SH3RF3: variants seen among roughly 807,000 people sequenced by gnomAD.
The protein encoded by SH3RF3 is E3 ubiquitin-protein ligase SH3RF3.
Under a neutral mutation model 66.3 loss-of-function variants are expected in SH3RF3, and 29 were observed. The observed-to-expected ratio is 0.44, with a 90% CI of 0.33 to 0.60. The LOEUF (loss-of-function observed/expected upper bound fraction) is 0.60. Ranked by LOEUF, SH3RF3 falls within the 20% of genes least tolerant of loss-of-function variation. The probability of loss-of-function intolerance (pLI) is 0.04; values close to 1 mark genes in which losing one functional copy is unlikely to be tolerated. For missense variants in SH3RF3, 1,194 were observed against 1,190.9 expected (o/e 1.00, Z -0.04); for synonymous variants, 583 against 532.0 (o/e 1.10, Z -1.32).
At chr2:109,151,063 C>A (rs1212481404) in intron 1 of SH3RF3, among the ~76,000 whole-genome samples, 2 of 152,160 alleles carry the variant, frequency 1.3e-5, no homozygotes, top group African/African-American at 4.8e-5. Flanking sequence ...AATATTGCAT[C>A]ATTGCACAAA....
intron 3 of SH3RF3, among the ~76,000 whole-genome samples, chr2:109,379,833 A>T (rs1683472349): frequency 6.6e-6 from 1 of 152,060 alleles, no homozygotes; most frequent in African/African-American, 2.4e-5. Flanking sequence ...CGAGGACCAG[A>T]AGGCAGGGAC....
At chr2:109,427,018 G>T (rs181496700) in intron 5 of SH3RF3, among the ~76,000 whole-genome samples, 1,609 of 152,094 alleles carry the variant, frequency 0.011, 28 homozygotes, top group African/African-American at 0.033. Context: ...ACCTAGGCTG[G>T]AGTGCAGTGG....
intron 8 of SH3RF3, among the ~76,000 whole-genome samples, chr2:109,456,814 C>T (rs868511049): frequency 2.6e-5 from 4 of 152,204 alleles, no homozygotes; most frequent in Non-Finnish European, 5.9e-5. Context: ...CTCCATGGTA[C>T]CCACAAGTGC....
intron 8 of SH3RF3, among the ~76,000 whole-genome samples, chr2:109,477,593 G>A (rs1442156249): frequency 6.7e-6 from 1 of 150,078 alleles, no homozygotes; most frequent in Non-Finnish European, 1.5e-5. Flanking sequence ...TTGAGTTGCT[G>A]TAACAAAATG....
intron 1 of SH3RF3, among the ~76,000 whole-genome samples, chr2:109,154,954 T>C (rs1677306843): frequency 6.6e-6 from 1 of 152,202 alleles, no homozygotes; most frequent in South Asian, 2.1e-4. Context: ...AAAAGAGGCT[T>C]TCCAGATTTC....
chr2:109,471,222 A>AAG (rs1450405773), intron 8 of SH3RF3, among the ~76,000 whole-genome samples: 4 of 151,664 alleles, frequency 2.6e-5, no homozygotes, highest in African/African-American at 9.7e-5. Flanking sequence ...AAAAAAAAAA[A>AAG]AAAAAAAAAG....
At chr2:109,176,635 G>T (rs577884120) in intron 1 of SH3RF3, among the ~76,000 whole-genome samples, 66 of 152,318 alleles carry the variant, frequency 4.3e-4, no homozygotes, top group African/African-American at 1.6e-3. Context: ...AACCCAGAAG[G>T]CTGAGGCAGG....
chr2:109,229,531 G>C (rs565262809), intron 1 of SH3RF3, among the ~76,000 whole-genome samples: 15 of 152,238 alleles, frequency 9.9e-5, no homozygotes, highest in African/African-American at 3.6e-4. Context: ...TTGAGAGCCC[G>C]ATACGGGAGG....
intron 1 of SH3RF3, among the ~76,000 whole-genome samples, chr2:109,309,780 A>G (rs1681683752): frequency 8.1e-6 from 1 of 123,612 alleles, no homozygotes; most frequent in East Asian, 2.2e-4. Context: ...CAATTCAACA[A>G]GAAGAGCTAA....
At chr2:109,347,172 T>C (rs1283591334) in intron 1 of SH3RF3, among the ~76,000 whole-genome samples, 1 of 152,212 alleles carries the variant, frequency 6.6e-6, no homozygotes, top group African/African-American at 2.4e-5. Flanking sequence ...GGATACTTGC[T>C]AGAAGTCTGG....
chr2:109,479,511 A>G (rs978263593), intron 8 of SH3RF3, among the ~76,000 whole-genome samples: 1 of 152,042 alleles, frequency 6.6e-6, no homozygotes, highest in Middle Eastern at 3.2e-3. Context: ...GTTCCACCGT[A>G]TCTGTTCTCC....
At chr2:109,432,343 G>GGGTGT (rs1677254122) in intron 5 of SH3RF3, among the ~76,000 whole-genome samples, 158 bp from the exon 6 acceptor site, 2 of 152,288 alleles carry the variant, frequency 1.3e-5, no homozygotes, top group South Asian at 4.1e-4. Context: ...GAGCTGGGGA[G>GGGTGT]GGTGTGTGAG....
chr2:109,266,867 T>C (rs1680508836), intron 1 of SH3RF3, among the ~76,000 whole-genome samples: 1 of 152,194 alleles, frequency 6.6e-6, no homozygotes, highest in Admixed American at 6.5e-5. Context: ...TGGAGACCAC[T>C]GCTGCAGACC....
intron 1 of SH3RF3, among the ~76,000 whole-genome samples, chr2:109,204,034 G>A (rs13383336): frequency 0.85 from 129,447 of 152,170 alleles, 55,145 homozygotes; most frequent in East Asian, 0.89. Context: ...ATATCTTTGA[G>A]ACGTCAGGAG....
intron 8 of SH3RF3, among the ~76,000 whole-genome samples, chr2:109,482,716 T>G (rs34087472): frequency 0.65 from 98,268 of 151,696 alleles, 32,614 homozygotes; most frequent in African/African-American, 0.77. Flanking sequence ...TGTCCCTGCC[T>G]GCACCTCCGG....
At chr2:109,176,965 T>G (rs935674369) in intron 1 of SH3RF3, among the ~76,000 whole-genome samples, 1 of 152,100 alleles carries the variant, frequency 6.6e-6, no homozygotes, top group Non-Finnish European at 1.5e-5. Context: ...GCATTTTAGG[T>G]GAGGTATGAT....
intron 2 of SH3RF3, among the ~76,000 whole-genome samples, chr2:109,364,044 T>G (rs915763709): frequency 6.6e-6 from 1 of 152,128 alleles, no homozygotes; most frequent in Non-Finnish European, 1.5e-5. Flanking sequence ...GTTTCAAATA[T>G]TCCTTCTGTT....
At chr2:109,175,013 C>G (rs1435173827) in intron 1 of SH3RF3, among the ~76,000 whole-genome samples, 1 of 152,204 alleles carries the variant, frequency 6.6e-6, no homozygotes, top group African/African-American at 2.4e-5. Flanking sequence ...GCCCAACTGT[C>G]TTTTGGCTTC....
At chr2:109,275,787 C>T (rs7563645) in intron 1 of SH3RF3, among the ~76,000 whole-genome samples, 1 of 151,948 alleles carries the variant, frequency 6.6e-6, no homozygotes, top group African/African-American at 2.4e-5. Flanking sequence ...GTTTATGAAG[C>T]GAGGCACAGT....
Sources: gnomAD v4.1 joint callset for allele counts (sites outside exome capture counted in the v4.1 genomes callset) on GRCh38, gnomAD v4.1.1 for gene constraint, MANE v1.5 for transcripts, NCBI Gene and HGNC (gene_info 2026-07-23, HGNC 2026-07-21) for gene names.